The following NAALADL2 variants were observed in gnomAD, a reference collection of about 807,000 sequenced individuals.
NAALADL2 encodes the protein N-acetylated alpha-linked acidic dipeptidase like 2, also known as inactive N-acetylated-alpha-linked acidic dipeptidase-like protein 2.
Under a neutral mutation model 87.2 loss-of-function variants are expected in NAALADL2, and 76 were observed. That is an observed-to-expected ratio of 0.87 (90% confidence interval 0.72 to 1.05). The LOEUF (loss-of-function observed/expected upper bound fraction) is 1.05. Ranked by LOEUF, NAALADL2 falls within the 50% of genes least tolerant of loss-of-function variation. NAALADL2 has a pLI of 0.00. For missense variants in NAALADL2, 1,089 were observed against 945.8 expected, an observed-to-expected ratio of 1.15 and a Z score of -1.99; for synonymous variants, 354 against 331.0, an observed-to-expected ratio of 1.07 and a Z score of -0.75.
chr3:174,822,783 G>A (rs1312510317), intron 3 of NAALADL2, among the ~76,000 whole-genome samples: 1 of 152,162 alleles, frequency 6.6e-6, no homozygotes, highest in African/African-American at 2.4e-5. Flanking sequence ...GGAACTCTGA[G>A]GATCTGGGGA....
chr3:174,633,843 T>C (rs556870584), intron 2 of NAALADL2, among the ~76,000 whole-genome samples: 1 of 152,328 alleles, frequency 6.6e-6, no homozygotes, highest in African/African-American at 2.4e-5. Flanking sequence ...AGTGCAGCTT[T>C]TCCATAGGGG....
chr3:175,567,165 G>A (rs1373976178), intron 9 of NAALADL2, among the ~76,000 whole-genome samples: 1 of 152,096 alleles, frequency 6.6e-6, no homozygotes, highest in Non-Finnish European at 1.5e-5. Flanking sequence ...TGTTTTAAAA[G>A]AACAAACCTG....
chr3:175,360,192 G>A (rs1764829692), intron 5 of NAALADL2, among the ~76,000 whole-genome samples: 3 of 151,922 alleles, frequency 2.0e-5, no homozygotes, highest in Admixed American at 1.3e-4. Context: ...TAGCCATGTG[G>A]TATTATTTAT....
intron 5 of NAALADL2, among the ~76,000 whole-genome samples, chr3:175,352,696 C>A (rs1360104067): frequency 6.6e-6 from 1 of 152,070 alleles, no homozygotes; most frequent in African/African-American, 2.4e-5. Flanking sequence ...TGTTTCTGGA[C>A]TAAGAGGGAG....
intron 1 of NAALADL2, among the ~76,000 whole-genome samples, chr3:175,029,349 G>T (rs73883314): frequency 0.2 from 30,570 of 151,806 alleles, 3,192 homozygotes; most frequent in Admixed American, 0.28. Flanking sequence ...ATGTGTGATT[G>T]TAATTTAAAA....
chr3:175,799,302 T>C (rs770745470), intron 13 of NAALADL2, among the ~76,000 whole-genome samples: 1 of 152,044 alleles, frequency 6.6e-6, no homozygotes, highest in Non-Finnish European at 1.5e-5. Context: ...AGTAAAGCAG[T>C]ATAGGTTGTC....
chr3:175,421,434 G>A (rs930570364), intron 5 of NAALADL2, among the ~76,000 whole-genome samples: 1 of 152,036 alleles, frequency 6.6e-6, no homozygotes, highest in Non-Finnish European at 1.5e-5. Context: ...TCACTGTGAT[G>A]CACACTAAAG....
intron 4 of NAALADL2, 113 bp from the exon 5 acceptor site, chr3:175,324,051 AAAAAGAAAAAG>A: frequency 1.4e-6 from 1 of 738,952 alleles, no homozygotes; most frequent in Non-Finnish European, 2.2e-6. Flanking sequence ...AAAGAAAAAG[AAAAAGAAAAAG>A]AAAAAAAAAC....
intron 2 of NAALADL2, among the ~76,000 whole-genome samples, chr3:174,721,013 T>A (rs1731663099): frequency 6.6e-6 from 1 of 152,248 alleles, no homozygotes; most frequent in Non-Finnish European, 1.5e-5. Flanking sequence ...AAATGATTAT[T>A]AAATATTGAA....
rs373440970 is a variant in NAALADL2 at position 175,425,108 on chromosome 3, G to A, written c.1091-22121G>A. Among the ~76,000 whole-genome samples the A allele has an allele frequency of 2.9e-4, 44 of 152,264 alleles. No individual in the cohort carries two copies. In the East Asian group the frequency reaches 7.5e-3, roughly 26 times the overall value. On this transcript the variant is annotated intron_variant, in intron 5 of 13. Coordinates refer to ENST00000454872, the MANE Select transcript of NAALADL2 (RefSeq NM_207015.3). ...TATGAGGGAAAGTCACAGATCAAAT[G>A]ATGATATGGAATTTTCTGCCTTAGA...
At chr3:174,520,471 TA>T (rs1720205348) in intron 1 of NAALADL2, among the ~76,000 whole-genome samples, 2 of 152,304 alleles carry the variant, frequency 1.3e-5, no homozygotes, top group Admixed American at 1.3e-4. Context: ...AAAGACACTG[TA>T]TTCAATAAAT....
At chr3:175,275,481 T>C (rs1160992113) in intron 4 of NAALADL2, among the ~76,000 whole-genome samples, 2 of 152,098 alleles carry the variant, frequency 1.3e-5, no homozygotes, top group African/African-American at 2.4e-5. Context: ...GGGCGGGCCA[T>C]GCAGTTTGTA....
At chr3:175,233,160 T>A (rs919671706) in intron 2 of NAALADL2, among the ~76,000 whole-genome samples, 1 of 152,240 alleles carries the variant, frequency 6.6e-6, no homozygotes, top group East Asian at 1.9e-4. Context: ...CATAGCATCA[T>A]GTAATTTGGC....
chr3:174,481,511 A>G (rs1717549322), intron 1 of NAALADL2, among the ~76,000 whole-genome samples: 1 of 152,096 alleles, frequency 6.6e-6, no homozygotes, highest in Non-Finnish European at 1.5e-5. Flanking sequence ...ATTCAAGTCT[A>G]CACAGCCAAA....
chr3:175,481,965 G>A (rs960174099), intron 9 of NAALADL2, among the ~76,000 whole-genome samples: 24 of 151,850 alleles, frequency 1.6e-4, no homozygotes, highest in Admixed American at 6.6e-4. Flanking sequence ...TATATTCAGT[G>A]TATCTCCAGA....
intron 1 of NAALADL2, among the ~76,000 whole-genome samples, chr3:174,968,872 C>G (rs560316550): frequency 3.3e-5 from 5 of 152,178 alleles, no homozygotes; most frequent in Admixed American, 2.6e-4. Flanking sequence ...AAGAAAGAGA[C>G]CTTTGGGCCA....
intron 10 of NAALADL2, among the ~76,000 whole-genome samples, chr3:175,589,681 C>T (rs1031357729): frequency 5.3e-5 from 8 of 151,720 alleles, no homozygotes; most frequent in African/African-American, 1.9e-4. Flanking sequence ...TTATAAGAAA[C>T]CTTTTGTTGA....
intron 2 of NAALADL2, among the ~76,000 whole-genome samples, chr3:174,594,628 G>C (rs550021731): frequency 5.9e-5 from 9 of 152,300 alleles, no homozygotes; most frequent in Admixed American, 3.9e-4. Context: ...ATGGCCTGGA[G>C]GGACTGTGAT....
chr3:175,068,154 G>C (rs989639849), intron 1 of NAALADL2, among the ~76,000 whole-genome samples: 1 of 151,982 alleles, frequency 6.6e-6, no homozygotes, highest in African/African-American at 2.4e-5. Flanking sequence ...TTCACTACCT[G>C]GATGTTGGGA....
Sources: allele counts gnomAD v4.1 joint callset (sites outside exome capture counted in the v4.1 genomes callset), GRCh38; gene constraint gnomAD v4.1.1; transcripts MANE v1.5; gene names NCBI Gene and HGNC (gene_info 2026-07-23, HGNC 2026-07-21).